The following AVP variants were observed in gnomAD, a reference collection of about 807,000 sequenced individuals.
AVP encodes the protein vasopressin-neurophysin 2-copeptin.
Under a neutral mutation model 11.1 loss-of-function variants are expected in AVP, and 9 were observed. That is an observed-to-expected ratio of 0.81 (90% CI 0.49 to 1.42). AVP has a LOEUF of 1.42. AVP is among the 40% of genes most tolerant of loss of function. AVP has a pLI of 0.00. For missense variants in AVP, 206 were observed against 238.5 expected (o/e 0.86, Z 0.90); for synonymous variants, 106 against 111.3 (o/e 0.95, Z 0.30).
In AVP at chr20:3,083,252, G is replaced by A; in HGVS notation, c.121-74C>T. The A allele has an allele frequency of 7.5e-7, 1 of 1,339,574 alleles. No individual in the cohort carries two copies. Among genetic ancestry groups the A allele is most frequent in the Non-Finnish European group, 9.7e-7 (1 of 1,035,688 alleles). 83.0% of individuals were successfully genotyped at this position (1,339,574 alleles called of 1,614,324 possible). On this transcript the variant is annotated intron_variant, in intron 1 of 2. Coordinates refer to ENST00000380293, the MANE Select transcript of AVP (RefSeq NM_000490.5). The surrounding 1 kb of genome is among the most constrained non-coding windows in gnomAD (Gnocchi z 5.4). ...GGGTTGGAGGGGAACGCAGCGAGGC[G>A]GGGATGCTGGGGTCCAGGGCTCGGA...
Position 3,083,372 on chromosome 20 carries a change from C to T in AVP, c.121-194G>A, listed in dbSNP as rs776413199. Among the ~76,000 whole-genome samples, 4 of 152,138 alleles carry T rather than the reference C, an allele frequency of 2.6e-5. No homozygotes were observed. Among genetic ancestry groups the T allele is most frequent in the African/African-American group, 4.8e-5 (2 of 41,420 alleles). Reference sequence around the variant, plus strand: ...GGGCGGGGCGTCCAGATCTGCTCGGCACCTTGGTTTCTTGGATGACCTCTC... The same window carrying T: ...GGGCGGGGCGTCCAGATCTGCTCGGTACCTTGGTTTCTTGGATGACCTCTC... On this transcript the variant is annotated intron_variant, in intron 1 of 2. Transcript: ENST00000380293. The surrounding 1 kb of genome is among the most constrained non-coding windows in gnomAD (Gnocchi z 5.4).
chr20:3,083,501 C>G lies in AVP; in HGVS notation c.121-323G>C, dbSNP rs75331758. Among the ~76,000 whole-genome samples, 2,847 of 152,242 alleles carry G rather than the reference C, an allele frequency of 0.019. 91 individuals carry two copies. The highest frequency in any genetic ancestry group is 0.064 in the African/African-American group (2,640 of 41,524). On this transcript the variant is annotated intron_variant, in intron 1 of 2. Transcript: ENST00000380293. The surrounding 1 kb of genome is among the most constrained non-coding windows in gnomAD (Gnocchi z 5.4). Reference sequence around the variant, plus strand: ...GCCTCGGGGTCATCGCTGGTGGGCGCCACTGTTGCAGCTGCCCCACCCTCC... The same window carrying G: ...GCCTCGGGGTCATCGCTGGTGGGCGGCACTGTTGCAGCTGCCCCACCCTCC...
At position 3,082,941 on chromosome 20, in the gene AVP, G is replaced by GCCC. The variant is rs200820983; in HGVS notation, c.322+33_322+35dup. The GCCC allele has an allele frequency of 2.4e-4, 265 of 1,100,780 alleles. No homozygotes were observed. The African/African-American group carries it at 3.0e-3, about 13-fold the overall frequency. 68.2% of individuals were successfully genotyped at this position (1,100,780 alleles called of 1,614,324 possible). A position where few individuals can be genotyped will look rare whatever the true frequency, so the allele number is the denominator to read the frequency against. On this transcript the variant is annotated intron_variant, in intron 2 of 2. Coordinates refer to ENST00000380293, the MANE Select transcript of AVP (RefSeq NM_000490.5). The surrounding 1 kb of genome is among the most constrained non-coding windows in gnomAD (Gnocchi z 4.7). Reference sequence around the variant, plus strand: ...CGTCCCCCCCACCCAAGCGGTCTGCGCCCCCCCCAGCCCCAGGCCCGCCCC... The same window carrying GCCC: ...CGTCCCCCCCACCCAAGCGGTCTGCGCCCCCCCCCCCAGCCCCAGGCCCGCCCC...
At position 3,083,260 on chromosome 20, in the gene AVP, T is replaced by C. The variant is rs1394480630; in HGVS notation, c.121-82A>G. 2 of 1,325,800 alleles carry C rather than the reference T, an allele frequency of 1.5e-6. No individual in the cohort carries two copies. The highest frequency in any genetic ancestry group is 2.0e-6 in the Non-Finnish European group (2 of 1,025,080). 82.1% of individuals were successfully genotyped at this position (1,325,800 alleles called of 1,614,324 possible). ...GGGGAACGCAGCGAGGCGGGGATGC[T>C]GGGGTCCAGGGCTCGGAGTGCGGGC... On this transcript the variant is annotated intron_variant, in intron 1 of 2. Transcript: ENST00000380293. This position sits in a 1 kb window ranked among gnomAD's most constrained non-coding sequence, Gnocchi z 5.4.
rs2066121564 is a variant in AVP, at chr20:3,083,348, G to A, written c.121-170C>T. ...CCACTGGGCCTCGACCGCGGTCACG[G>A]GCGGGGCGTCCAGATCTGCTCGGCA... On this transcript the variant is annotated intron_variant, in intron 1 of 2. Coordinates refer to ENST00000380293, the MANE Select transcript of AVP (RefSeq NM_000490.5). The surrounding 1 kb of genome is among the most constrained non-coding windows in gnomAD (Gnocchi z 5.4). Among the ~76,000 whole-genome samples, 1 of 152,150 alleles carries A rather than the reference G, an allele frequency of 6.6e-6. No homozygotes were observed. The highest frequency in any genetic ancestry group is 2.1e-4 in the South Asian group (1 of 4,830).
rs1056437967 is a variant in AVP at position 3,082,619 on chromosome 20, G to A, written c.*11C>T. 49 of 1,249,332 alleles carry A rather than the reference G, an allele frequency of 3.9e-5. No homozygotes were observed. The highest frequency in any genetic ancestry group is 4.7e-5 in the Non-Finnish European group (47 of 998,650). The allele number at this position is 1,249,332 out of a possible 1,614,324, so 77.4% of individuals were successfully genotyped here. A position where few individuals can be genotyped will look rare whatever the true frequency, so the allele number is the denominator to read the frequency against. On this transcript the variant is annotated 3_prime_UTR_variant, in exon 3 of 3. Transcript: ENST00000380293. This position sits in a 1 kb window ranked among gnomAD's most constrained non-coding sequence, Gnocchi z 4.7. ...GGCGCGAAGAGCGCGCCGGTGGGGC[G>A]AGCGCGGGGCTCAGTAGGCGTCGGG... is the stretch of plus-strand genomic sequence containing the variant.
rs1398906396 is a variant in AVP at position 3,083,891 on chromosome 20, G to GAT, written c.120+662_120+663dup. ...CAACAGCCGGTTCTCTGGCGCAATG[G>GAT]ATAGCGCATTAGACTTTTAGCTGAG... On this transcript the variant is annotated intron_variant, in intron 1 of 2. Coordinates refer to ENST00000380293, the MANE Select transcript of AVP (RefSeq NM_000490.5). This position sits in a 1 kb window ranked among gnomAD's most constrained non-coding sequence, Gnocchi z 5.4. 1.3e-5 allele frequency among the ~76,000 whole-genome samples: 2 copies of GAT among 152,238 alleles called. No homozygotes were observed. The highest frequency in any genetic ancestry group is 2.9e-5 in the Non-Finnish European group (2 of 68,032).
In AVP at chr20:3,084,671, G is replaced by A. The variant is rs201044529; in HGVS notation, c.4C>T (p.Pro2Ser). ...AAGCAGGCGGGCAGCATGGTGTCAG[G>A]CATCCTGGTGCACACAGGTGGACCC... M[P>S]DTMLPACFLG... Residue 2 changes from proline (P) to serine (S), a missense_variant, in exon 1 of 3, where the codon CCT (proline) becomes TCT (serine). This residue lies in a region of AVP where 100 missense variants were observed against 149.3 expected (regional missense o/e 0.67). Transcript: ENST00000380293. 1 of 1,613,134 alleles carries A rather than the reference G, an allele frequency of 6.2e-7. No homozygotes were observed. The highest frequency in any genetic ancestry group is 2.2e-5 in the East Asian group (1 of 44,882).
At position 3,084,537 on chromosome 20, in the gene AVP, G is replaced by C. The variant is rs2066127667; in HGVS notation, c.120+18C>G. ...TGCCCGCTATGGCAGCCCTGAGATG[G>C]CCCACAGTGGGAAGTACCTGTCTCA... On this transcript the variant is annotated intron_variant, in intron 1 of 2. Coordinates refer to ENST00000380293, the MANE Select transcript of AVP (RefSeq NM_000490.5). The C allele has an allele frequency of 1.2e-6, 2 of 1,613,452 alleles. No individual in the cohort carries two copies. Among genetic ancestry groups the C allele is most frequent in the African/African-American group, 2.7e-5 (2 of 74,932 alleles).
Position 3,083,227 on chromosome 20 carries a change from G to A in AVP, c.121-49C>T, listed in dbSNP as rs1364748075. ...GGGAGGAGGGGAGCCGGGAGTCGAGGGGTTGGAGGGGAACGCAGCGAGGCG... is the reference window on the plus strand; with the variant it reads ...GGGAGGAGGGGAGCCGGGAGTCGAGAGGTTGGAGGGGAACGCAGCGAGGCG... On this transcript the variant is annotated intron_variant, in intron 1 of 2. Coordinates refer to ENST00000380293, the MANE Select transcript of AVP (RefSeq NM_000490.5). The surrounding 1 kb of genome is among the most constrained non-coding windows in gnomAD (Gnocchi z 5.4). 1.4e-6 allele frequency: 2 copies of A among 1,407,392 alleles called. No homozygotes were observed. The highest frequency in any genetic ancestry group is 2.9e-5 in the South Asian group (2 of 68,238). 87.2% of individuals were successfully genotyped at this position (1,407,392 alleles called of 1,614,324 possible).
rs2066120542 is a variant in AVP at position 3,083,184 on chromosome 20, G to C, written c.121-6C>G. ...CCGGGGCCGCAGGGGAGGCACTGCG[G>C]GGACGGGCGGGGTGAGCGGGAGGAG... is the stretch of plus-strand genomic sequence containing the variant. On this transcript the variant is annotated splice_region_variant and splice_polypyrimidine_tract_variant and intron_variant, in intron 1 of 2. Transcript: ENST00000380293. This position sits in a 1 kb window ranked among gnomAD's most constrained non-coding sequence, Gnocchi z 5.4. The C allele has an allele frequency of 1.4e-6, 2 of 1,473,724 alleles. No individual in the cohort carries two copies. The highest frequency in any genetic ancestry group is 1.8e-6 in the Non-Finnish European group (2 of 1,115,572). 91.3% of individuals were successfully genotyped at this position (1,473,724 alleles called of 1,614,324 possible).
In AVP at chr20:3,083,133, T is replaced by C. The variant is rs2066120062; in HGVS notation, c.166A>G (p.Ser56Gly). ...CCCAGCTCGTCCGCGCAGCAGATGC[T>C]GGGCCCGAAGCAGCGGCCTTTGCCC... ...PGGKGRCFGPSICCADELGCF... is the reference protein window; with the variant it reads ...PGGKGRCFGPGICCADELGCF... The change falls in exon 2 of 3, where the codon AGC becomes GGC. Residue 56 changes from serine (S) to glycine (G), a missense_variant. This residue lies in a region of AVP where 100 missense variants were observed against 149.3 expected (regional missense o/e 0.67). Transcript: ENST00000380293. The surrounding 1 kb of genome is among the most constrained non-coding windows in gnomAD (Gnocchi z 5.4). 6.5e-7 allele frequency: 1 copy of C among 1,528,742 alleles called. No individual in the cohort carries two copies. Among genetic ancestry groups the C allele is most frequent in the Non-Finnish European group, 8.7e-7 (1 of 1,146,840 alleles). The allele number at this position is 1,528,742 out of a possible 1,614,324, so 94.7% of individuals were successfully genotyped here.
rs778265118 is a variant in AVP, at chr20:3,083,226, G to T, written c.121-48C>A. On this transcript the variant is annotated intron_variant, in intron 1 of 2. Coordinates refer to ENST00000380293, the MANE Select transcript of AVP (RefSeq NM_000490.5). This position sits in a 1 kb window ranked among gnomAD's most constrained non-coding sequence, Gnocchi z 5.4. ...CGGGAGGAGGGGAGCCGGGAGTCGA[G>T]GGGTTGGAGGGGAACGCAGCGAGGC... The T allele has an allele frequency of 1.4e-6, 2 of 1,406,994 alleles. No homozygotes were observed. The highest frequency in any genetic ancestry group is 3.1e-5 in the East Asian group (1 of 32,640). The allele number at this position is 1,406,994 out of a possible 1,614,324, so 87.2% of individuals were successfully genotyped here.
chr20:3,082,903 C>CCCCCCCCCG lies in AVP; in HGVS notation c.322+73_322+74insCGGGGGGGG. 1 of 1,026,402 alleles carries CCCCCCCCCG rather than the reference C, an allele frequency of 9.7e-7. No individual in the cohort carries two copies. Among genetic ancestry groups the CCCCCCCCCG allele is most frequent in the Non-Finnish European group, 1.2e-6 (1 of 818,368 alleles). The allele number at this position is 1,026,402 out of a possible 1,614,324, so 63.6% of individuals were successfully genotyped here. A position where few individuals can be genotyped will look rare whatever the true frequency, so the allele number is the denominator to read the frequency against. ...GCCGGGCCCGACGCAGCCCCCACCC[C>CCCCCCCCCG]GCCGCAGGCCCGCGTCCCCCCCACC... On this transcript the variant is annotated intron_variant, in intron 2 of 2. Coordinates refer to ENST00000380293, the MANE Select transcript of AVP (RefSeq NM_000490.5). This position sits in a 1 kb window ranked among gnomAD's most constrained non-coding sequence, Gnocchi z 4.7.
At chr20:3,084,085 C>G (rs768868572) in intron 1 of AVP, among the ~76,000 whole-genome samples, 1 of 152,222 alleles carries the variant, frequency 6.6e-6, no homozygotes, top group Non-Finnish European at 1.5e-5. Flanking sequence ...CCCACTCAAG[C>G]GCGCTCAGAC....
Position 3,084,493 on chromosome 20 carries a change from T to G in AVP, c.120+62A>C, listed in dbSNP as rs919967218. 3 of 1,610,564 alleles carry G rather than the reference T, an allele frequency of 1.9e-6. No individual in the cohort carries two copies. In the African/African-American group the frequency reaches 4.0e-5, roughly 21 times the overall value. ...CATGACTTCCCTCTTTCCTAGCCCC[T>G]GACCCAGGGTGTCAGCACTGCCCGC... On this transcript the variant is annotated intron_variant, in intron 1 of 2. Coordinates refer to ENST00000380293, the MANE Select transcript of AVP (RefSeq NM_000490.5).
Position 3,082,981 on chromosome 20 carries a change from G to C in AVP, c.318C>G (p.Asn106Lys), listed in dbSNP as rs2066118845. 7.2e-7 allele frequency: 1 copy of C among 1,395,556 alleles called. No individual in the cohort carries two copies. Among genetic ancestry groups the C allele is most frequent in the African/African-American group, 1.5e-5 (1 of 65,632 alleles). 86.4% of individuals were successfully genotyped at this position (1,395,556 alleles called of 1,614,324 possible). A position where few individuals can be genotyped will look rare whatever the true frequency, so the allele number is the denominator to read the frequency against. Residue 106 changes from asparagine (N) to lysine (K), a missense_variant, in exon 2 of 3, where the codon AAC (asparagine) becomes AAG (lysine). Asn to Lys is a moderately conservative substitution (Grantham distance 94). Coordinates refer to ENST00000380293, the MANE Select transcript of AVP (RefSeq NM_000490.5). This position sits in a 1 kb window ranked among gnomAD's most constrained non-coding sequence, Gnocchi z 4.7. ...GRCAAFGVCC[N>K]DESCVTEPEC... ...AGGCCCGCCCCCGCCGCGCACCGTCGTTGCAGCAAACGCCGAAGGCGGCGC... is the reference window on the plus strand; with the variant it reads ...AGGCCCGCCCCCGCCGCGCACCGTCCTTGCAGCAAACGCCGAAGGCGGCGC...
Position 3,082,865 on chromosome 20 carries a change from C to A in AVP, c.323-63G>T. Reference sequence around the variant, plus strand: ...GGGCGCAGCTCGGGGTGCGGGGGGCCCACACCCTCCCTGCCGGGCCCGACG... The same window carrying A: ...GGGCGCAGCTCGGGGTGCGGGGGGCACACACCCTCCCTGCCGGGCCCGACG... On this transcript the variant is annotated intron_variant, in intron 2 of 2. Coordinates refer to ENST00000380293, the MANE Select transcript of AVP (RefSeq NM_000490.5). This position sits in a 1 kb window ranked among gnomAD's most constrained non-coding sequence, Gnocchi z 4.7. 8.2e-7 allele frequency: 1 copy of A among 1,224,958 alleles called. No individual in the cohort carries two copies. The highest frequency in any genetic ancestry group is 3.4e-5 in the East Asian group (1 of 29,042). The allele number at this position is 1,224,958 out of a possible 1,614,324, so 75.9% of individuals were successfully genotyped here.
Position 3,082,928 on chromosome 20 carries a change from C to G in AVP, c.322+49G>C, listed in dbSNP as rs2066118088. The G allele has an allele frequency of 2.7e-6, 3 of 1,112,400 alleles. No individual in the cohort carries two copies. Among genetic ancestry groups the G allele is most frequent in the Non-Finnish European group, 3.4e-6 (3 of 887,826 alleles). 68.9% of individuals were successfully genotyped at this position (1,112,400 alleles called of 1,614,324 possible). A position where few individuals can be genotyped will look rare whatever the true frequency, so the allele number is the denominator to read the frequency against. On this transcript the variant is annotated intron_variant, in intron 2 of 2. Transcript: ENST00000380293. The surrounding 1 kb of genome is among the most constrained non-coding windows in gnomAD (Gnocchi z 4.7). The stretch of plus-strand genomic sequence containing the variant: ...CGCCGCAGGCCCGCGTCCCCCCCAC[C>G]CAAGCGGTCTGCGCCCCCCCCAGCC...
Sources: gnomAD v4.1 joint callset for allele counts (sites outside exome capture counted in the v4.1 genomes callset) on GRCh38, gnomAD v4.1.1 for gene constraint, gnomAD v4.1.1 regional missense constraint, Gnocchi (gnomAD v3.1) non-coding constraint, MANE v1.5 for transcripts, NCBI Gene and HGNC (gene_info 2026-07-23, HGNC 2026-07-21) for gene names.